Variants in SPRED1 observed in about 807,000 individuals in gnomAD.
The protein encoded by SPRED1 is sprouty-related, EVH1 domain-containing protein 1.
A neutral mutation model predicts 52.3 loss-of-function variants in SPRED1; 18 were observed. The ratio of observed to expected loss-of-function variants is 0.34; its 90% CI spans 0.24 to 0.51. The LOEUF (loss-of-function observed/expected upper bound fraction) is 0.51. SPRED1 is among the 20% of genes least tolerant of loss of function. The probability of loss-of-function intolerance (pLI) is 0.97; values close to 1 mark genes in which losing one functional copy is unlikely to be tolerated. For synonymous variants in SPRED1, 155 were observed against 179.7 expected, an observed-to-expected ratio of 0.86 and a Z score of 1.10; for missense variants, 485 against 551.0, an observed-to-expected ratio of 0.88 and a Z score of 1.20.
intron 3 of SPRED1, among the ~76,000 whole-genome samples, chr15:38,324,327 T>G (rs191860265): frequency 6.6e-6 from 1 of 152,344 alleles, no homozygotes; most frequent in South Asian, 2.1e-4. Context: ...TAAAACTCAT[T>G]TGTTTTCCAT....
chr15:38,319,885 A>G (rs1429002765), intron 2 of SPRED1, among the ~76,000 whole-genome samples: 2 of 152,218 alleles, frequency 1.3e-5, no homozygotes, highest in Non-Finnish European at 2.9e-5. Context: ...AAGAGGGGAC[A>G]CAAGTCAATG....
intron 2 of SPRED1, among the ~76,000 whole-genome samples, chr15:38,316,247 T>C (rs747543509): frequency 2.0e-5 from 3 of 152,016 alleles, no homozygotes; most frequent in Non-Finnish European, 4.4e-5. Flanking sequence ...TTAATAAATT[T>C]ATGTCAACAG....
chr15:38,344,324 C>T (rs1043209283), intron 5 of SPRED1, among the ~76,000 whole-genome samples: 1 of 152,148 alleles, frequency 6.6e-6, no homozygotes, highest in East Asian at 1.9e-4. Flanking sequence ...CAGTATTCCT[C>T]ATCGCAGGCC....
Position 38,356,302 on chromosome 15 carries a change from G to A in SPRED1, c.*4638G>A, listed in dbSNP as rs907954534. ...TATAGTTAACTAGCTTGATAGTTTT[G>A]AGTATATAATGTAAATAATACATTA... On this transcript the variant is annotated 3_prime_UTR_variant, in exon 7 of 7. Transcript: ENST00000299084. 3 of 152,024 alleles carry A rather than the reference G, an allele frequency of 2.0e-5. No individual in the cohort carries two copies. The highest frequency in any genetic ancestry group is 7.2e-5 in the African/African-American group (3 of 41,434). 9.4% of individuals were successfully genotyped at this position (152,024 alleles called of 1,614,324 possible). A position where few individuals can be genotyped will look rare whatever the true frequency, so the allele number is the denominator to read the frequency against.
At chr15:38,275,045 CTTG>C in intron 1 of SPRED1, among the ~76,000 whole-genome samples, 2 of 152,310 alleles carry the variant, frequency 1.3e-5, no homozygotes, top group East Asian at 3.9e-4. Context: ...CTGTCATTCA[CTTG>C]TTACTATTTT....
intron 1 of SPRED1, among the ~76,000 whole-genome samples, chr15:38,295,010 A>G (rs1895003923): frequency 6.6e-6 from 1 of 152,222 alleles, no homozygotes; most frequent in Non-Finnish European, 1.5e-5. Context: ...TTTTGGATTC[A>G]TCGAGGTAAC....
chr15:38,299,512 T>A lies in SPRED1; in HGVS notation c.172T>A (p.Phe58Ile), dbSNP rs768775931. 1 of 1,614,016 alleles carries A rather than the reference T, an allele frequency of 6.2e-7. No homozygotes were observed. The highest frequency in any genetic ancestry group is 1.7e-5 in the Admixed American group (1 of 60,004). ...TCAGGAAGAGAATGGCTGTGCTGAC[T>A]TTTTTATCCGTGGAGAGCGACTCAG... ...PHQEENGCAD[F>I]FIRGERLRDK... The change falls in exon 2 of 7, where the codon TTT (phenylalanine) becomes ATT (isoleucine). Residue 58 changes from phenylalanine (F) to isoleucine (I), a missense_variant. By Grantham distance (21) the Phe-to-Ile change is conservative (BLOSUM62 0). Transcript: ENST00000299084.
At chr15:38,339,960 A>G in intron 5 of SPRED1, 65 bp downstream of exon 5, 10 of 1,597,272 alleles carry the variant, frequency 6.3e-6, no homozygotes, top group Non-Finnish European at 8.6e-6. Context: ...GATGTCATAG[A>G]TAAGGACGTT....
At chr15:38,255,193 G>A (rs1378337450) in intron 1 of SPRED1, among the ~76,000 whole-genome samples, 1 of 152,050 alleles carries the variant, frequency 6.6e-6, no homozygotes, top group Non-Finnish European at 1.5e-5. Flanking sequence ...ACAGTAAATT[G>A]AGAAAATACT....
chr15:38,351,319 T>G lies in SPRED1; in HGVS notation c.990T>G (p.Gly330=), dbSNP rs1184835258. ...IKKSKRRKED[G]ERSRCVYCQE... is the part of the protein sequence containing the mutation. ...AGTCAAAACGAAGAAAAGAGGATGGTGAACGTTCTCGCTGCGTATACTGCC... is the reference window on the plus strand; with the variant it reads ...AGTCAAAACGAAGAAAAGAGGATGGGGAACGTTCTCGCTGCGTATACTGCC... The change falls in exon 7 of 7, where the codon GGT becomes GGG. Residue 330 remains glycine (G), a synonymous_variant. Transcript: ENST00000299084. The G allele has an allele frequency of 1.9e-6, 3 of 1,614,128 alleles. No individual in the cohort carries two copies. In the East Asian group the frequency reaches 6.7e-5, roughly 36 times the overall value.
At chr15:38,294,436 C>A (rs549584669) in intron 1 of SPRED1, among the ~76,000 whole-genome samples, 1 of 151,996 alleles carries the variant, frequency 6.6e-6, no homozygotes, top group Non-Finnish European at 1.5e-5. Context: ...ACTGTATCTT[C>A]GAGAACGTGT....
intron 1 of SPRED1, among the ~76,000 whole-genome samples, chr15:38,288,364 G>A (rs2140970127): frequency 6.6e-6 from 1 of 152,250 alleles, no homozygotes; most frequent in South Asian, 2.1e-4. Context: ...TAGTGAGCAA[G>A]GAAAACAAGG....
intron 2 of SPRED1, among the ~76,000 whole-genome samples, chr15:38,316,748 G>GGTTTTTTTTTTTTTTTTTT: frequency 6.2e-4 from 26 of 41,924 alleles, no homozygotes; most frequent in East Asian, 1.5e-3. Context: ...TCCATTATAT[G>GGTTTTTTTTTTTTTTTTTT]TTTTTTTTTT....
chr15:38,298,613 C>A, intron 1 of SPRED1: 1 of 254,322 alleles, frequency 3.9e-6, no homozygotes, highest in South Asian at 4.0e-5. Context: ...TTTGAAGGCC[C>A]CAAACAGGCA....
intron 1 of SPRED1, among the ~76,000 whole-genome samples, chr15:38,285,666 C>T (rs1197599455): frequency 6.6e-6 from 1 of 152,118 alleles, no homozygotes; most frequent in African/African-American, 2.4e-5. Context: ...AGAGTTTGGA[C>T]TCTTTCCGTG....
intron 1 of SPRED1, among the ~76,000 whole-genome samples, chr15:38,286,131 C>G (rs1246717826): frequency 2.0e-5 from 3 of 148,934 alleles, no homozygotes; most frequent in Non-Finnish European, 4.4e-5. Flanking sequence ...TATGGTCACG[C>G]CTACTGAGCT....
chr15:38,294,985 T>A (rs1895003266), intron 1 of SPRED1, among the ~76,000 whole-genome samples: 1 of 152,212 alleles, frequency 6.6e-6, no homozygotes, highest in South Asian at 2.1e-4. Context: ...GCTACAGATT[T>A]ATTGGCTCTA....
intron 1 of SPRED1, among the ~76,000 whole-genome samples, chr15:38,287,728 A>T (rs781655390): frequency 6.6e-6 from 1 of 152,214 alleles, no homozygotes; most frequent in African/African-American, 2.4e-5. Flanking sequence ...CTGTTTACAG[A>T]TGATTTAAAG....
chr15:38,257,624 G>C (rs1234120161), intron 1 of SPRED1, among the ~76,000 whole-genome samples: 1 of 152,106 alleles, frequency 6.6e-6, no homozygotes, highest in Non-Finnish European at 1.5e-5. Flanking sequence ...CTGAAGACCC[G>C]TGTTATATCC....
Sources: gnomAD v4.1 joint callset for allele counts (sites outside exome capture counted in the v4.1 genomes callset) on GRCh38, gnomAD v4.1.1 for gene constraint, MANE v1.5 for transcripts, NCBI Gene and HGNC (gene_info 2026-07-23, HGNC 2026-07-21) for gene names.